Variants in BTD observed in about 807,000 individuals in gnomAD.
The protein encoded by BTD is biotinidase.
BTD carries 13 observed loss-of-function variants against 17.7 expected under a neutral mutation model. The ratio of observed to expected loss-of-function variants is 0.74; its 90% CI spans 0.48 to 1.17. The LOEUF (loss-of-function observed/expected upper bound fraction) is 1.17. Among genes scored for constraint, BTD ranks in the 50% most tolerant of loss-of-function variants. The pLI is 0.00. For synonymous variants in BTD, 240 were observed against 245.2 expected (o/e 0.98, Z 0.20); for missense variants, 674 against 650.4 (o/e 1.04, Z -0.39).
intron 1 of BTD, among the ~76,000 whole-genome samples, chr3:15,627,300 G>A (rs192949562): frequency 4.6e-5 from 7 of 152,260 alleles, no homozygotes; most frequent in Admixed American, 1.3e-4. Context: ...ACAGCTCACC[G>A]CAACCCCTGC....
chr3:15,640,257 G>T (rs1277438035), intron 2 of BTD, among the ~76,000 whole-genome samples: 1 of 152,210 alleles, frequency 6.6e-6, no homozygotes, highest in Non-Finnish European at 1.5e-5. Flanking sequence ...AGCACACTAT[G>T]CAGATGGTCA....
At chr3:15,670,424 T>A (rs546134537) in intron 3 of BTD, 1 of 1,613,994 alleles carries the variant, frequency 6.2e-7, no homozygotes, top group Admixed American at 1.7e-5. Context: ...GGTGTTGGTA[T>A]AACGGTTAAT....
intron 1 of BTD, among the ~76,000 whole-genome samples, chr3:15,624,808 C>T (rs1329839612): frequency 6.6e-6 from 1 of 152,226 alleles, no homozygotes; most frequent in African/African-American, 2.4e-5. Context: ...TAACAGCTCA[C>T]TGCAACCTCC....
intron 3 of BTD, among the ~76,000 whole-genome samples, chr3:15,706,846 A>G (rs1428516317): frequency 6.6e-6 from 1 of 152,142 alleles, no homozygotes; most frequent in Non-Finnish European, 1.5e-5. Flanking sequence ...ACCAGTGATG[A>G]TGAGCATTTT....
rs2065695986 is a variant in BTD at position 15,646,388 on chromosome 3, C to G, written c.*900C>G. On this transcript the variant is annotated 3_prime_UTR_variant, in exon 4 of 4. Transcript: ENST00000643237. ...TTTGATCTGGAGCCCTATAGAGGATCTCGTTGCTTTGCAGCGATGCCTGGC... is the reference window on the plus strand; with the variant it reads ...TTTGATCTGGAGCCCTATAGAGGATGTCGTTGCTTTGCAGCGATGCCTGGC... The G allele has an allele frequency of 6.6e-6, 1 of 152,244 alleles. No individual in the cohort carries two copies. The highest frequency in any genetic ancestry group is 6.5e-5 in the Admixed American group (1 of 15,294). 9.4% of individuals were successfully genotyped at this position (152,244 alleles called of 1,614,324 possible).
At chr3:15,616,882 G>C (rs76910938) in intron 1 of BTD, among the ~76,000 whole-genome samples, 23,725 of 151,940 alleles carry the variant, frequency 0.16, 2,301 homozygotes, top group South Asian at 0.29. Flanking sequence ...ACCCAGGCTG[G>C]AGTGCAGTGG....
intron 1 of BTD, among the ~76,000 whole-genome samples, chr3:15,623,942 A>G (rs1345294896): frequency 6.6e-6 from 1 of 152,224 alleles, no homozygotes; most frequent in Non-Finnish European, 1.5e-5. Context: ...ACCCAGCTTC[A>G]GGTAGTTCTT....
exon 4 of BTD, chr3:15,712,208 C>T: frequency 6.3e-7 from 1 of 1,581,190 alleles, no homozygotes; most frequent in Non-Finnish European, 8.6e-7. Context: ...GGGGAACATT[C>T]CATGTATGCC....
intron 3 of BTD, chr3:15,678,109 G>C (rs1226424314): frequency 8.5e-7 from 1 of 1,183,158 alleles, no homozygotes; most frequent in African/African-American, 1.5e-5. Context: ...AGTCTTAGGA[G>C]TGGTAAGATA....
In BTD at chr3:15,645,818, A is replaced by C. The variant is rs1575032216; in HGVS notation, c.*330A>C. 4 of 221,264 alleles carry C rather than the reference A, an allele frequency of 1.8e-5. No individual in the cohort carries two copies. The highest frequency in any genetic ancestry group is 1.1e-4 in the East Asian group (1 of 8,894). 13.7% of individuals were successfully genotyped at this position (221,264 alleles called of 1,614,324 possible). On this transcript the variant is annotated 3_prime_UTR_variant, in exon 4 of 4. Transcript: ENST00000643237. ...ATGTCAGTTTATATTTTACACATCC[A>C]CAAAGCAGTGGCTTGGGGTTTTTTT... is the stretch of plus-strand genomic sequence containing the variant.
chr3:15,694,534 A>C (rs1169991112), intron 3 of BTD, among the ~76,000 whole-genome samples: 1 of 149,438 alleles, frequency 6.7e-6, no homozygotes, highest in African/African-American at 2.5e-5. Flanking sequence ...TTTTTTTTCT[A>C]AAGCAAGAAA....
intron 3 of BTD, among the ~76,000 whole-genome samples, chr3:15,708,343 C>G (rs1205541975): frequency 6.6e-6 from 1 of 152,124 alleles, no homozygotes; most frequent in Non-Finnish European, 1.5e-5. Context: ...GAGTGACTTT[C>G]AAATAACCTT....
chr3:15,606,291 C>T (rs1446854872), intron 1 of BTD: 1 of 152,170 alleles, frequency 6.6e-6, no homozygotes, highest in African/African-American at 2.4e-5. Context: ...AGTCAGGCAC[C>T]TGTATTTTTT....
exon 5 of BTD, among the ~76,000 whole-genome samples, chr3:15,722,040 C>T (rs546162579): frequency 7.2e-4 from 110 of 152,260 alleles, no homozygotes; most frequent in African/African-American, 2.6e-3. Context: ...ACCCTGTGCC[C>T]AGCCTTGTTT....
At chr3:15,601,681 A>T, upstream of BTD, 1 of 1,555,408 alleles carries the variant, frequency 6.4e-7, no homozygotes, top group Non-Finnish European at 8.7e-7. Context: ...CTCCAATCAG[A>T]ACTGCGCTCT....
chr3:15,620,798 A>G (rs1205859797), intron 1 of BTD, among the ~76,000 whole-genome samples: 1 of 152,256 alleles, frequency 6.6e-6, no homozygotes, highest in Admixed American at 6.5e-5. Flanking sequence ...CTGACTTCCC[A>G]TAACAGGGAG....
At position 15,676,743 on chromosome 3, in the gene BTD, A is replaced by G. The variant is rs1418864153; in HGVS notation, c.400-33317A>G. The G allele has an allele frequency of 1.6e-5, 6 of 372,976 alleles. No individual in the cohort carries two copies. In the East Asian group the frequency reaches 3.1e-4, roughly 19 times the overall value. 23.1% of individuals were successfully genotyped at this position (372,976 alleles called of 1,614,324 possible). The stretch of plus-strand genomic sequence containing the variant: ...AAAATTAGGTAGGTGGATTAAGGAA[A>G]AAAATACATTATTGTCAATGTTATA... On this transcript the variant is annotated intron_variant, in intron 3 of 3. Coordinates refer to the BTD transcript ENST00000672141.
At chr3:15,697,204 G>A (rs935647574) in intron 3 of BTD, 3 of 152,234 alleles carry the variant, frequency 2.0e-5, no homozygotes, top group East Asian at 1.9e-4. Flanking sequence ...AACGAATATC[G>A]TATGTTCTCG....
At chr3:15,714,501 T>A (rs201055387), downstream of BTD, 3 of 1,038,422 alleles carry the variant, frequency 2.9e-6, no homozygotes, top group Non-Finnish European at 1.4e-6. Flanking sequence ...CTCAATACCA[T>A]TCATTTGGTG....
Sources: allele counts gnomAD v4.1 joint callset (sites outside exome capture counted in the v4.1 genomes callset), GRCh38; gene constraint gnomAD v4.1.1; transcripts MANE v1.5; gene names NCBI Gene and HGNC (gene_info 2026-07-23, HGNC 2026-07-21).